Variants in SEPTIN6 observed in about 807,000 individuals in gnomAD.
SEPTIN6 encodes the protein septin-6.
Under a neutral mutation model 33.6 loss-of-function variants are expected in SEPTIN6, and 8 were observed. The observed-to-expected ratio is 0.24, with a 90% CI of 0.14 to 0.43. SEPTIN6 has a LOEUF of 0.43. Ranked by LOEUF, SEPTIN6 falls within the 20% of genes least tolerant of loss-of-function variation. The pLI is 1.00. For missense variants in SEPTIN6, 250 were observed against 340.8 expected, an observed-to-expected ratio of 0.73 and a Z score of 2.10; for synonymous variants, 131 against 140.0, an observed-to-expected ratio of 0.94 and a Z score of 0.45.
At chrX:119,678,303 G>A (rs1603350530) in intron 1 of SEPTIN6, among the ~76,000 whole-genome samples, 3 of 110,464 alleles carry the variant, frequency 2.7e-5, no homozygotes, top group African/African-American at 9.9e-5. Flanking sequence ...GGCGGATCAC[G>A]AGGTCAGGAG....
intron 1 of SEPTIN6, among the ~76,000 whole-genome samples, chrX:119,685,319 A>G (rs1472179922): frequency 2.7e-5 from 3 of 110,512 alleles, no homozygotes; most frequent in Non-Finnish European, 5.7e-5. Flanking sequence ...GAGCCTGCTG[A>G]GCTAAAAGCA....
At chrX:119,692,905 CG>C (rs1423235569) in intron 1 of SEPTIN6, among the ~76,000 whole-genome samples, 170 bp downstream of exon 1, 1 of 112,876 alleles carries the variant, frequency 8.9e-6, no homozygotes, top group African/African-American at 3.2e-5. Context: ...CACCGTTTTC[CG>C]GGACAGGCTG....
At chrX:119,627,777 C>T (rs1281216079) in intron 9 of SEPTIN6, among the ~76,000 whole-genome samples, 1 of 105,472 alleles carries the variant, frequency 9.5e-6, no homozygotes, top group African/African-American at 3.5e-5. Flanking sequence ...TTCCACTATC[C>T]TGTATCTGCA....
intron 2 of SEPTIN6, among the ~76,000 whole-genome samples, chrX:119,674,895 C>T (rs941009899): frequency 2.7e-5 from 3 of 110,963 alleles, no homozygotes; most frequent in African/African-American, 9.8e-5. Context: ...AGATGCAGCT[C>T]CCACTGTTGA....
rs371143998 is a variant in SEPTIN6 at position 119,640,710 on chromosome X, G to T, written c.769C>A (p.Pro257Thr). Reference protein sequence around the residue: ...GNKMMRARQYPWGTVQVENEA... With the variant: ...GNKMMRARQYTWGTVQVENEA... ...CACTCACCCTGCACAGTGCCCCAAG[G>T]ATACTGCCGCGCCCTCATCATCTTG... is the stretch of plus-strand genomic sequence containing the variant. Residue 257 changes from proline (P) to threonine (T), a missense_variant, in exon 6 of 11, where the codon CCT becomes ACT. Physicochemically the swap from Pro to Thr is conservative, Grantham distance 38 (BLOSUM62 -1). This residue lies in a region of SEPTIN6 where 139 missense variants were observed against 227.0 expected (regional missense o/e 0.61). Transcript: ENST00000394610. 6.6e-6 allele frequency: 8 copies of T among 1,208,298 alleles called. No homozygotes were observed. Among genetic ancestry groups the T allele is most frequent in the Non-Finnish European group, 9.0e-6 (8 of 893,759 alleles).
At chrX:119,678,384 G>C (rs1164263123) in intron 1 of SEPTIN6, among the ~76,000 whole-genome samples, 1 of 110,457 alleles carries the variant, frequency 9.1e-6, no homozygotes, top group Non-Finnish European at 1.9e-5. Flanking sequence ...GCCGGGCGTG[G>C]TGGCGGGCGC....
At chrX:119,675,832 C>T (rs1201085540) in intron 1 of SEPTIN6, among the ~76,000 whole-genome samples, 164 bp from the exon 2 acceptor site, 2 of 111,686 alleles carry the variant, frequency 1.8e-5, no homozygotes, top group Non-Finnish European at 3.8e-5. Flanking sequence ...AATGGCCCGT[C>T]AGCTTGGAAA....
At chrX:119,660,211 C>G (rs1208473810) in intron 3 of SEPTIN6, among the ~76,000 whole-genome samples, 3 of 112,335 alleles carry the variant, frequency 2.7e-5, no homozygotes, top group African/African-American at 9.7e-5. Context: ...CCGCAGTATC[C>G]GGCCTTAGTC....
rs140078514 is a variant in SEPTIN6, at chrX:119,669,312, G to A, written c.146-5635C>T. On this transcript the variant is annotated intron_variant, in intron 2 of 10. Coordinates refer to ENST00000394610, the MANE Select transcript of SEPTIN6 (RefSeq NM_145799.4). ...GGAGCCAGGCACAGTTATAGGAGCTGCAGATACAGCAATGAACAAGATAGC... is the reference window on the plus strand; with the variant it reads ...GGAGCCAGGCACAGTTATAGGAGCTACAGATACAGCAATGAACAAGATAGC... 3.5e-5 allele frequency among the ~76,000 whole-genome samples: 4 copies of A among 112,983 alleles called. No individual in the cohort carries two copies. In the East Asian group the frequency reaches 1.1e-3, roughly 31 times the overall value.
At position 119,640,071 on chromosome X, in the gene SEPTIN6, C is replaced by A. The variant is rs534612771; in HGVS notation, c.787+621G>T. The stretch of plus-strand genomic sequence containing the variant: ...AGGTGATCCGCCTTCTTCGGCCTCC[C>A]AGAGTGCTAGAATTACAGGAGTGAG... On this transcript the variant is annotated intron_variant, in intron 6 of 10. Transcript: ENST00000394610. Among the ~76,000 whole-genome samples the A allele has an allele frequency of 1.1e-4, 12 of 108,124 alleles. No individual in the cohort carries two copies. In the South Asian group the frequency reaches 1.3e-3, roughly 11 times the overall value. The allele number at this position is 108,124 out of a possible 115,157, so 93.9% of individuals were successfully genotyped here.
Position 119,619,755 on chromosome X carries a change from G to A in SEPTIN6, c.*338C>T, listed in dbSNP as rs1433269322. The stretch of plus-strand genomic sequence containing the variant: ...GAGCTGGTGGGAAAGAGTAGCAGAT[G>A]GGCCCCCTGACCATGTCACACCTCT... On this transcript the variant is annotated 3_prime_UTR_variant, in exon 11 of 11. Transcript: ENST00000394610. The A allele has an allele frequency of 1.0e-6, 1 of 996,236 alleles. No homozygotes were observed. Among genetic ancestry groups the A allele is most frequent in the Non-Finnish European group, 1.3e-6 (1 of 788,284 alleles). The allele number at this position is 996,236 out of a possible 1,213,427, so 82.1% of individuals were successfully genotyped here.
At chrX:119,656,758 C>T (rs1010371776) in intron 3 of SEPTIN6, among the ~76,000 whole-genome samples, 1 of 111,320 alleles carries the variant, frequency 9.0e-6, no homozygotes, top group African/African-American at 3.3e-5. Flanking sequence ...TGGTGGCGTG[C>T]GCCTGTAATC....
chrX:119,622,982 A>C (rs990194595), intron 10 of SEPTIN6, among the ~76,000 whole-genome samples: 5 of 112,235 alleles, frequency 4.5e-5, no homozygotes, highest in African/African-American at 1.6e-4. Context: ...TGTTCTTTTA[A>C]GATTGTTTCC....
chrX:119,663,170 A>G (rs2054575932), intron 3 of SEPTIN6, among the ~76,000 whole-genome samples: 1 of 112,106 alleles, frequency 8.9e-6, no homozygotes, highest in African/African-American at 3.2e-5. Context: ...TCCTTTTTAG[A>G]TGGTCAGAGC....
chrX:119,669,183 G>A (rs1273208399), intron 2 of SEPTIN6, among the ~76,000 whole-genome samples: 1 of 113,270 alleles, frequency 8.8e-6, no homozygotes, highest in African/African-American at 3.2e-5. Context: ...CAGGCAGGCC[G>A]ACGCTGGAGT....
At position 119,644,407 on chromosome X, in the gene SEPTIN6, T is replaced by TA. The variant is rs201584131; in HGVS notation, c.691-3620_691-3619insT. ...TAATTTATCAACAATAGAAATTTAT[T>TA]CAAAAAAAAAAAATTTATTCCTCAT... On this transcript the variant is annotated intron_variant, in intron 5 of 10. Coordinates refer to ENST00000394610, the MANE Select transcript of SEPTIN6 (RefSeq NM_145799.4). 1.0e-3 allele frequency among the ~76,000 whole-genome samples: 98 copies of TA among 96,536 alleles called. 1 individual carries two copies. Among genetic ancestry groups the TA allele is most frequent in the African/African-American group, 3.3e-3 (83 of 25,428 alleles). 83.8% of individuals were successfully genotyped at this position (96,536 alleles called of 115,157 possible).
At chrX:119,686,575 G>A (rs1295637730) in intron 1 of SEPTIN6, 1 of 963,663 alleles carries the variant, frequency 1.0e-6, no homozygotes, top group African/African-American at 2.0e-5. Flanking sequence ...TGAGCATGTG[G>A]CCTCCTTCCT....
chrX:119,670,471 G>T (rs11797061), intron 2 of SEPTIN6, among the ~76,000 whole-genome samples: 1 of 102,969 alleles, frequency 9.7e-6, no homozygotes, highest in Admixed American at 1.1e-4. Context: ...TGAAGCATGA[G>T]AATCACTTGA....
At chrX:119,654,327 C>T (rs1220727518) in intron 3 of SEPTIN6, among the ~76,000 whole-genome samples, 1 of 111,334 alleles carries the variant, frequency 9.0e-6, no homozygotes, top group African/African-American at 3.3e-5. Flanking sequence ...GTCACCCCTA[C>T]GGCCTCTTTC....
Sources: gnomAD v4.1 joint callset for allele counts (sites outside exome capture counted in the v4.1 genomes callset) on GRCh38, gnomAD v4.1.1 for gene constraint, gnomAD v4.1.1 regional missense constraint, MANE v1.5 for transcripts, NCBI Gene and HGNC (gene_info 2026-07-23, HGNC 2026-07-21) for gene names.